The following CCND3 variants were observed in gnomAD, a reference collection of about 807,000 sequenced individuals.
The protein encoded by CCND3 is cyclin D3, also known as G1/S-specific cyclin-D3.
In CCND3, 9 loss-of-function variants were observed where a neutral mutation model predicts 28.7. That is an observed-to-expected ratio of 0.31 (90% CI 0.19 to 0.55). CCND3 has a LOEUF of 0.55. Ranked by LOEUF, CCND3 falls within the 20% of genes least tolerant of loss-of-function variation. The probability of loss-of-function intolerance (pLI) is 0.93; values close to 1 mark genes in which losing one functional copy is unlikely to be tolerated. For synonymous variants in CCND3, 164 were observed against 163.9 expected (o/e 1.00, Z 0.00); for missense variants, 315 against 385.8 (o/e 0.82, Z 1.54).
chr6:42,035,084 C>G (rs552318052), intron 1 of CCND3, among the ~76,000 whole-genome samples: 1 of 152,336 alleles, frequency 6.6e-6, no homozygotes, highest in African/African-American at 2.4e-5. Context: ...TTCTGCCAGT[C>G]ATCCAGGCTG....
chr6:42,015,493 G>A (rs773511439), intron 1 of CCND3, among the ~76,000 whole-genome samples: 10 of 152,230 alleles, frequency 6.6e-5, no homozygotes, highest in Admixed American at 3.3e-4. Flanking sequence ...GGCAGATCAC[G>A]AGGTCAGGAG....
chr6:41,985,527 C>T (rs1316718311), intron 1 of CCND3, among the ~76,000 whole-genome samples: 2 of 151,976 alleles, frequency 1.3e-5, no homozygotes, highest in East Asian at 3.9e-4. Flanking sequence ...GTTGGCCAGG[C>T]TGGTCTCGGA....
intron 1 of CCND3, among the ~76,000 whole-genome samples, chr6:42,038,009 C>T (rs939627982): frequency 6.0e-5 from 8 of 134,066 alleles, no homozygotes; most frequent in African/African-American, 1.7e-4. Flanking sequence ...CCACCCTGGG[C>T]GACAGAGTGA....
intron 1 of CCND3, among the ~76,000 whole-genome samples, chr6:42,028,970 G>GT (rs1561994685): frequency 5.9e-5 from 7 of 118,656 alleles, no homozygotes; most frequent in East Asian, 4.0e-4. Flanking sequence ...ACCTTGAAAC[G>GT]GTTTTTTTTT....
chr6:41,947,631 C>G (rs1183295513), intron 1 of CCND3, among the ~76,000 whole-genome samples: 1 of 152,046 alleles, frequency 6.6e-6, no homozygotes, highest in Non-Finnish European at 1.5e-5. Context: ...TTTTTTTCCT[C>G]CTCTGTTACT....
intron 1 of CCND3, among the ~76,000 whole-genome samples, chr6:41,992,828 T>C (rs1255334123): frequency 6.6e-6 from 1 of 151,816 alleles, no homozygotes; most frequent in Non-Finnish European, 1.5e-5. Context: ...CACTGCAATC[T>C]CGTCCTCCCT....
At chr6:42,014,459 G>C (rs1038034364) in intron 1 of CCND3, among the ~76,000 whole-genome samples, 1 of 152,208 alleles carries the variant, frequency 6.6e-6, no homozygotes, top group Non-Finnish European at 1.5e-5. Context: ...TTAGTGTATA[G>C]TCTTTCAATC....
chr6:42,005,903 G>A lies in CCND3; in HGVS notation c.-46+42598C>T, dbSNP rs1432895904. 2.0e-5 allele frequency among the ~76,000 whole-genome samples: 3 copies of A among 152,012 alleles called. No homozygotes were observed. The South Asian group carries it at 6.2e-4, about 32-fold the overall frequency. On this transcript the variant is annotated intron_variant, in intron 1 of 4. Transcript: ENST00000372988. Reference sequence around the variant, plus strand: ...TTTCACCATGTTGGCCAGGCTAGTCGAACTCCTGACCTCAGGTGATCACCC... The same window carrying A: ...TTTCACCATGTTGGCCAGGCTAGTCAAACTCCTGACCTCAGGTGATCACCC...
intron 1 of CCND3, among the ~76,000 whole-genome samples, chr6:41,974,937 C>T (rs570363454): frequency 4.1e-4 from 63 of 151,810 alleles, no homozygotes; most frequent in African/African-American, 1.4e-3. Context: ...GGATTACAGG[C>T]GCCTGCCACC....
intron 1 of CCND3, among the ~76,000 whole-genome samples, chr6:42,006,867 C>T (rs1763191318): frequency 6.6e-6 from 1 of 150,866 alleles, no homozygotes; most frequent in South Asian, 2.1e-4. Context: ...GAGATCGCTC[C>T]ACTGCACTCC....
At chr6:41,961,899 T>C (rs1401155736) in intron 1 of CCND3, among the ~76,000 whole-genome samples, 2 of 152,088 alleles carry the variant, frequency 1.3e-5, no homozygotes, top group African/African-American at 4.8e-5. Context: ...CTGACATCAT[T>C]CTTTCTCAGC....
chr6:42,006,312 AAAG>A (rs2127424840), intron 1 of CCND3, among the ~76,000 whole-genome samples: 1 of 151,950 alleles, frequency 6.6e-6, no homozygotes, highest in East Asian at 1.9e-4. Flanking sequence ...TTTAAAAAAA[AAAG>A]ATTTAACAAC....
intron 1 of CCND3, among the ~76,000 whole-genome samples, chr6:42,032,994 C>T (rs952547515): frequency 6.6e-6 from 1 of 152,214 alleles, no homozygotes; most frequent in Non-Finnish European, 1.5e-5. Flanking sequence ...AGTGATGCCT[C>T]CCCAACTTAG....
chr6:42,031,701 T>G (rs759821993), intron 1 of CCND3, among the ~76,000 whole-genome samples: 1 of 152,144 alleles, frequency 6.6e-6, no homozygotes, highest in African/African-American at 2.4e-5. Context: ...AGTCTTTGTG[T>G]GTGTGTGTCT....
At chr6:41,984,312 T>C (rs1446148256) in intron 1 of CCND3, among the ~76,000 whole-genome samples, 4 of 152,132 alleles carry the variant, frequency 2.6e-5, no homozygotes, top group South Asian at 2.1e-4. Flanking sequence ...CACCCAGAAG[T>C]TGGAGTGCTG....
At chr6:41,958,469 C>T (rs549786868) in intron 1 of CCND3, among the ~76,000 whole-genome samples, 10 of 152,288 alleles carry the variant, frequency 6.6e-5, no homozygotes, top group African/African-American at 2.4e-4. Context: ...GTCCACAGAA[C>T]TTTATTGAGA....
chr6:41,971,637 G>A (rs1444842097), intron 1 of CCND3, among the ~76,000 whole-genome samples: 1 of 151,586 alleles, frequency 6.6e-6, no homozygotes, highest in Non-Finnish European at 1.5e-5. Flanking sequence ...CACCTCCCAG[G>A]TTCAAGCAAT....
chr6:41,936,014 C>A lies in CCND3; in HGVS notation c.805G>T (p.Ala269Ser), dbSNP rs2127389493. ...CCTTGGCTGCTGGAGCCCCGGGGGG[C>A]TTTGGGCGCTGGGCTGGAGCTGGTC... ...SQTSSSPAPKAPRGSSSQGPS... is the reference protein window; with the variant it reads ...SQTSSSPAPKSPRGSSSQGPS... Residue 269 changes from alanine (A) to serine (S), a missense_variant, in exon 5 of 5, where the codon GCC becomes TCC. By Grantham distance (99) the Ala-to-Ser change is moderately conservative. Transcript: ENST00000372991. This position sits in a 1 kb window ranked among gnomAD's most constrained non-coding sequence, Gnocchi z 4.4. 1.2e-6 allele frequency: 2 copies of A among 1,613,340 alleles called. No individual in the cohort carries two copies. The highest frequency in any genetic ancestry group is 1.7e-6 in the Non-Finnish European group (2 of 1,179,586).
Position 41,968,507 on chromosome 6 carries a change from G to A in CCND3, c.-45-27922C>T, listed in dbSNP as rs539215871. ...CTTGGGAGGCTAAGGCAGGAGGATTGTTGAGCCCAGAAGTCCAAGCTATGA... is the reference window on the plus strand; with the variant it reads ...CTTGGGAGGCTAAGGCAGGAGGATTATTGAGCCCAGAAGTCCAAGCTATGA... On this transcript the variant is annotated intron_variant, in intron 1 of 4. Coordinates refer to the CCND3 transcript ENST00000372988. Among the ~76,000 whole-genome samples, 4 of 152,214 alleles carry A rather than the reference G, an allele frequency of 2.6e-5. No homozygotes were observed. In the East Asian group the frequency reaches 7.7e-4, roughly 29 times the overall value.
Sources: gnomAD v4.1 joint callset for allele counts (sites outside exome capture counted in the v4.1 genomes callset) on GRCh38, gnomAD v4.1.1 for gene constraint, Gnocchi (gnomAD v3.1) non-coding constraint, MANE v1.5 for transcripts, NCBI Gene and HGNC (gene_info 2026-07-23, HGNC 2026-07-21) for gene names.